DNAH14: variants seen among roughly 807,000 people sequenced by gnomAD.
The protein encoded by DNAH14 is axonemal beta dynein heavy chain 14.
Under a neutral mutation model 520.9 loss-of-function variants are expected in DNAH14, and 478 were observed. The ratio of observed to expected loss-of-function variants is 0.92; its 90% CI spans 0.85 to 0.99. The LOEUF (loss-of-function observed/expected upper bound fraction) is 0.99, where lower values mean the gene tolerates loss of function less well. Ranked by LOEUF, DNAH14 falls within the 50% of genes least tolerant of loss-of-function variation. The pLI is 0.00. For missense variants in DNAH14, 4,831 were observed against 5,234.5 expected, an observed-to-expected ratio of 0.92 and a Z score of 2.38; for synonymous variants, 1,581 against 1,757.2, an observed-to-expected ratio of 0.90 and a Z score of 2.51.
intron 27 of DNAH14, among the ~76,000 whole-genome samples, chr1:225,137,344 G>A (rs1211175216): frequency 6.6e-6 from 1 of 151,728 alleles, no homozygotes; most frequent in Non-Finnish European, 1.5e-5. Context: ...TGATGTTGTT[G>A]TTGTTTTCTG....
In DNAH14 at chr1:225,145,415, GT is replaced by G. The variant is rs1355568510; in HGVS notation, c.4794+37del. The stretch of plus-strand genomic sequence containing the variant: ...AACATATGTGTCAGGAAGAAATATT[GT>G]ACACATAAAACATAAAACAATTCAT... On this transcript the variant is annotated intron_variant, in intron 30 of 85. Coordinates refer to ENST00000682510, the MANE Select transcript of DNAH14 (RefSeq NM_001367479.1). 1.4e-5 allele frequency: 20 copies of G among 1,438,588 alleles called. No homozygotes were observed. The Admixed American group carries it at 2.1e-4, about 15-fold the overall frequency. The allele number at this position is 1,438,588 out of a possible 1,614,324, so 89.1% of individuals were successfully genotyped here. A position where few individuals can be genotyped will look rare whatever the true frequency, so the allele number is the denominator to read the frequency against.
intron 10 of DNAH14, among the ~76,000 whole-genome samples, chr1:225,008,403 A>T (rs1477056294): frequency 6.6e-6 from 1 of 152,052 alleles, no homozygotes; most frequent in Non-Finnish European, 1.5e-5. Context: ...ATGAGTCTTT[A>T]TAGTAGAATG....
chr1:224,982,397 C>T (rs1365315394), intron 8 of DNAH14, among the ~76,000 whole-genome samples: 1 of 152,154 alleles, frequency 6.6e-6, no homozygotes, highest in African/African-American at 2.4e-5. Flanking sequence ...CTAATGCACT[C>T]TTGTGAGGAG....
Position 225,289,947 on chromosome 1 carries a change from T to C in DNAH14, c.8334T>C (p.Asn2778=), listed in dbSNP as rs1360521730. The part of the protein sequence containing the change: ...CATLACYLTD[N]KLYRVPISHK... ...CCTTGGCCTGTTATTTGACAGATAA[T>C]AAACTATACCGAGTGCCTATATCTC... is the stretch of plus-strand genomic sequence containing the variant. Residue 2778 remains asparagine, a synonymous_variant, in exon 55 of 86, where the codon AAT becomes AAC. Coordinates refer to ENST00000682510, the MANE Select transcript of DNAH14 (RefSeq NM_001367479.1). The C allele has an allele frequency of 6.5e-7, 1 of 1,527,560 alleles. No homozygotes were observed. Among genetic ancestry groups the C allele is most frequent in the Non-Finnish European group, 8.8e-7 (1 of 1,135,162 alleles). 94.6% of individuals were successfully genotyped at this position (1,527,560 alleles called of 1,614,324 possible). A position where few individuals can be genotyped will look rare whatever the true frequency, so the allele number is the denominator to read the frequency against.
At chr1:225,235,783 A>G (rs960993876) in intron 42 of DNAH14, among the ~76,000 whole-genome samples, 3 of 152,166 alleles carry the variant, frequency 2.0e-5, no homozygotes, top group Non-Finnish European at 4.4e-5. Flanking sequence ...GTATGTGTCC[A>G]GGAATCTATC....
At chr1:225,330,925 A>G (rs1411784462) in intron 64 of DNAH14, among the ~76,000 whole-genome samples, 1 of 152,142 alleles carries the variant, frequency 6.6e-6, no homozygotes, top group African/African-American at 2.4e-5. Flanking sequence ...CTAAATATAT[A>G]TATATACCTA....
chr1:224,961,945 G>A (rs866987096), intron 4 of DNAH14, among the ~76,000 whole-genome samples: 1 of 151,950 alleles, frequency 6.6e-6, no homozygotes, highest in African/African-American at 2.4e-5. Flanking sequence ...TCTTTAATTT[G>A]CTTCCCTCAT....
chr1:225,267,569 C>T (rs1055168344), intron 49 of DNAH14, among the ~76,000 whole-genome samples: 17 of 152,038 alleles, frequency 1.1e-4, no homozygotes, highest in African/African-American at 2.4e-4. Context: ...GGATTACAGG[C>T]GTGAGCCACC....
At chr1:225,160,723 T>C (rs1170375031) in intron 35 of DNAH14, among the ~76,000 whole-genome samples, 4 of 152,178 alleles carry the variant, frequency 2.6e-5, no homozygotes, top group Admixed American at 2.6e-4. Context: ...TCTGAGATTA[T>C]TTGCTCAGTC....
chr1:225,345,773 CTATTAATCAAATT>C (rs1341679144), intron 69 of DNAH14, among the ~76,000 whole-genome samples, 176 bp from the exon 70 acceptor site: 2 of 152,064 alleles, frequency 1.3e-5, no homozygotes, highest in Admixed American at 6.6e-5. Flanking sequence ...GGTGTACGTA[CTATTAATCAAATT>C]TATTAATCAA....
intron 22 of DNAH14, 111 bp from the exon 23 acceptor site, chr1:225,100,602 A>G (rs1454186498): frequency 1.1e-6 from 1 of 872,506 alleles, no homozygotes; most frequent in African/African-American, 1.7e-5. Context: ...AGAAAATTTA[A>G]CATCAAATGT....
At chr1:224,968,145 A>G (rs908456395) in intron 6 of DNAH14, among the ~76,000 whole-genome samples, 2 of 152,172 alleles carry the variant, frequency 1.3e-5, no homozygotes, top group East Asian at 3.8e-4. Flanking sequence ...GTGCAAATAA[A>G]GAAATATCTC....
chr1:224,997,428 G>GT (rs35341220), intron 8 of DNAH14, among the ~76,000 whole-genome samples: 46 of 150,124 alleles, frequency 3.1e-4, no homozygotes, highest in Non-Finnish European at 4.3e-4. Context: ...TCAAAGGCAG[G>GT]TTTTTTTTTG....
chr1:225,106,574 C>T (rs1031355867), intron 23 of DNAH14, among the ~76,000 whole-genome samples: 4 of 152,060 alleles, frequency 2.6e-5, no homozygotes, highest in African/African-American at 7.2e-5. Flanking sequence ...GAGGCTTTGT[C>T]GTTTCTTTTT....
intron 3 of DNAH14, among the ~76,000 whole-genome samples, chr1:224,958,079 G>C (rs1325014048): frequency 2.6e-5 from 4 of 152,058 alleles, no homozygotes; most frequent in Non-Finnish European, 5.9e-5. Flanking sequence ...GGAAAGATGG[G>C]TGCACATGTG....
intron 17 of DNAH14, among the ~76,000 whole-genome samples, chr1:225,052,169 C>T (rs962679130): frequency 2.6e-5 from 4 of 152,086 alleles, no homozygotes; most frequent in African/African-American, 9.7e-5. Flanking sequence ...TATGGAGTAT[C>T]TAAGATAAAT....
chr1:225,317,068 C>T (rs1369829503), intron 60 of DNAH14, among the ~76,000 whole-genome samples: 1 of 152,154 alleles, frequency 6.6e-6, no homozygotes, highest in Non-Finnish European at 1.5e-5. Flanking sequence ...GGTTCTTATG[C>T]AGTGATTAAT....
At chr1:225,273,268 A>G (rs945593674) in intron 52 of DNAH14, 143 bp downstream of exon 52, 2 of 886,532 alleles carry the variant, frequency 2.3e-6, no homozygotes, top group East Asian at 3.4e-5. Flanking sequence ...CGTGTCTACT[A>G]AAAATACAAA....
chr1:225,264,957 T>C (rs2149792137), intron 47 of DNAH14, among the ~76,000 whole-genome samples: 1 of 152,284 alleles, frequency 6.6e-6, no homozygotes, highest in African/African-American at 2.4e-5. Context: ...CATAAATGTA[T>C]GGAGGACTCT....
Sources: allele counts gnomAD v4.1 joint callset (sites outside exome capture counted in the v4.1 genomes callset), GRCh38; gene constraint gnomAD v4.1.1; transcripts MANE v1.5; gene names NCBI Gene and HGNC (gene_info 2026-07-23, HGNC 2026-07-21).